SH3BGR: variants seen among roughly 807,000 people sequenced by gnomAD.
SH3BGR encodes SH3 domain binding glutamate rich protein, also known as SH3 domain-binding glutamic acid-rich protein.
In SH3BGR, 29 loss-of-function variants were observed where a neutral mutation model predicts 24.5. The ratio of observed to expected loss-of-function variants is 1.18; its 90% CI spans 0.88 to 1.61. SH3BGR has a LOEUF of 1.61. Among genes scored for constraint, SH3BGR ranks in the 40% most tolerant of loss-of-function variants. The pLI is 0.00. For synonymous variants in SH3BGR, 55 were observed against 65.7 expected, an observed-to-expected ratio of 0.84 and a Z score of 0.79; for missense variants, 162 against 205.8, an observed-to-expected ratio of 0.79 and a Z score of 1.30.
chr21:39,466,353 C>T (rs1396195235), intron 2 of SH3BGR, among the ~76,000 whole-genome samples: 2 of 152,128 alleles, frequency 1.3e-5, no homozygotes, highest in Non-Finnish European at 2.9e-5. Flanking sequence ...ATTATCTGTG[C>T]TTTTTCTATG....
intron 2 of SH3BGR, among the ~76,000 whole-genome samples, chr21:39,474,744 A>G (rs1179276330): frequency 2.0e-5 from 3 of 152,174 alleles, no homozygotes; most frequent in Non-Finnish European, 4.4e-5. Flanking sequence ...CACAGTATGG[A>G]CAGCCTGTAT....
chr21:39,453,896 G>A (rs1212303804), intron 1 of SH3BGR, among the ~76,000 whole-genome samples: 2 of 152,162 alleles, frequency 1.3e-5, no homozygotes, highest in African/African-American at 2.4e-5. Flanking sequence ...ATTAGTGAAT[G>A]TTATTTATAC....
At chr21:39,447,585 C>A (rs536852889), upstream of SH3BGR, among the ~76,000 whole-genome samples, 1 of 151,694 alleles carries the variant, frequency 6.6e-6, no homozygotes, top group African/African-American at 2.4e-5. Context: ...CCGGCTAATT[C>A]TTTTTGTATT....
chr21:39,506,984 C>T (rs970020657), intron 4 of SH3BGR, among the ~76,000 whole-genome samples: 1 of 152,020 alleles, frequency 6.6e-6, no homozygotes, highest in African/African-American at 2.4e-5. Context: ...AGAGGAGGGG[C>T]GAGACATGGG....
intron 3 of SH3BGR, among the ~76,000 whole-genome samples, chr21:39,485,888 CTG>C (rs2078204530): frequency 6.6e-6 from 1 of 151,942 alleles, no homozygotes; most frequent in African/African-American, 2.4e-5. Context: ...CGGGGTTTCA[CTG>C]TGTTAGCCAG....
upstream of SH3BGR, among the ~76,000 whole-genome samples, chr21:39,447,665 C>T (rs947421019): frequency 7.2e-5 from 11 of 152,082 alleles, no homozygotes; most frequent in East Asian, 3.9e-4. Flanking sequence ...GTGATCTGCC[C>T]GCCTCGGCCT....
chr21:39,500,588 C>T lies in SH3BGR; in HGVS notation c.405+673C>T, dbSNP rs751426923. On this transcript the variant is annotated intron_variant, in intron 4 of 6. Transcript: ENST00000333634. Reference sequence around the variant, plus strand: ...TCTGAAAATGTGCTGGGAAACCAGGCGCCAAGGAAGGAGCCTGGTGGGGCT... The same window carrying T: ...TCTGAAAATGTGCTGGGAAACCAGGTGCCAAGGAAGGAGCCTGGTGGGGCT... Among the ~76,000 whole-genome samples, 18 of 152,014 alleles carry T rather than the reference C, an allele frequency of 1.2e-4. No homozygotes were observed. In the East Asian group the frequency reaches 1.5e-3, roughly 13 times the overall value.
chr21:39,462,361 C>T lies in SH3BGR; in HGVS notation c.46-14C>T. The T allele has an allele frequency of 6.3e-7, 1 of 1,580,324 alleles. No homozygotes were observed. On this transcript the variant is annotated splice_polypyrimidine_tract_variant and intron_variant, in intron 1 of 6. Transcript: ENST00000333634. ...TTTTCATAAACAGCCTAATATTTCTCTACTCTTGACCAGATTAGGAAGAAA... is the reference window on the plus strand; with the variant it reads ...TTTTCATAAACAGCCTAATATTTCTTTACTCTTGACCAGATTAGGAAGAAA...
chr21:39,472,557 C>T (rs1189490371), intron 2 of SH3BGR, among the ~76,000 whole-genome samples: 1 of 152,164 alleles, frequency 6.6e-6, no homozygotes, highest in Admixed American at 6.6e-5. Flanking sequence ...CAAACCTAGA[C>T]ACATCTTAAA....
intron 2 of SH3BGR, among the ~76,000 whole-genome samples, chr21:39,472,756 T>C (rs1310720098): frequency 6.6e-6 from 1 of 152,192 alleles, no homozygotes; most frequent in African/African-American, 2.4e-5. Flanking sequence ...TTCTCATTCA[T>C]ATTTACTTTG....
At chr21:39,463,885 C>T (rs748124127) in intron 2 of SH3BGR, among the ~76,000 whole-genome samples, 1 of 152,144 alleles carries the variant, frequency 6.6e-6, no homozygotes, top group South Asian at 2.1e-4. Context: ...ACCACACACA[C>T]GGTGGCTAAA....
At chr21:39,448,210 A>G (rs1330747349), upstream of SH3BGR, among the ~76,000 whole-genome samples, 1 of 152,208 alleles carries the variant, frequency 6.6e-6, no homozygotes, top group Admixed American at 6.5e-5. Flanking sequence ...TTACATCTGT[A>G]AAGACTCTAT....
intron 3 of SH3BGR, among the ~76,000 whole-genome samples, chr21:39,490,621 A>C (rs977962416): frequency 1.3e-5 from 2 of 152,062 alleles, no homozygotes; most frequent in East Asian, 3.9e-4. Context: ...AAGCTACTCT[A>C]GATTTCTTAT....
intron 4 of SH3BGR, among the ~76,000 whole-genome samples, chr21:39,500,622 G>C (rs967132596): frequency 2.0e-4 from 31 of 152,142 alleles, no homozygotes; most frequent in African/African-American, 7.2e-4. Flanking sequence ...CTGGGAATGG[G>C]GTGCAGGCAT....
chr21:39,475,308 T>C, intron 3 of SH3BGR, 93 bp downstream of exon 3: 1 of 767,544 alleles, frequency 1.3e-6, no homozygotes, highest in East Asian at 2.5e-5. Flanking sequence ...TACATGATGA[T>C]CTCTAAATTA....
At chr21:39,484,079 A>C (rs2078171729) in intron 3 of SH3BGR, among the ~76,000 whole-genome samples, 1 of 152,242 alleles carries the variant, frequency 6.6e-6, no homozygotes, top group Non-Finnish European at 1.5e-5. Context: ...TGAGGCAAGA[A>C]AAGTTAGTAG....
At position 39,499,844 on chromosome 21, in the gene SH3BGR, G is replaced by T; in HGVS notation, c.334G>T (p.Gly112Cys). Residue 112 changes from glycine to cysteine, a missense_variant, in exon 4 of 7, where the codon GGT (glycine) becomes TGT (cysteine). Physicochemically the swap from Gly to Cys is radical, Grantham distance 159 (BLOSUM62 -3). Coordinates refer to ENST00000333634, the MANE Select transcript of SH3BGR (RefSeq NM_007341.3). The part of the protein sequence containing the change: ...DSKGSEKAEE[G>C]GETEAQKEGS... ...CCAGGGATCAGAGAAGGCTGAAGAA[G>T]GTGGAGAAACTGAGGCACAAAAAGA... The T allele has an allele frequency of 6.2e-7, 1 of 1,613,740 alleles. No homozygotes were observed. Among genetic ancestry groups the T allele is most frequent in the Non-Finnish European group, 8.5e-7 (1 of 1,179,816 alleles).
chr21:39,492,442 T>TGG (rs1434904036), intron 3 of SH3BGR, among the ~76,000 whole-genome samples: 5 of 134,306 alleles, frequency 3.7e-5, no homozygotes, highest in African/African-American at 9.2e-5. Flanking sequence ...TAGTTTCCCT[T>TGG]GGTGTGTGTG....
chr21:39,500,606 G>A (rs2078478332), intron 4 of SH3BGR, among the ~76,000 whole-genome samples: 1 of 152,152 alleles, frequency 6.6e-6, no homozygotes, highest in African/African-American at 2.4e-5. Context: ...AAGGAGCCTG[G>A]TGGGGCTGGG....
Sources: allele counts gnomAD v4.1 joint callset (sites outside exome capture counted in the v4.1 genomes callset), GRCh38; gene constraint gnomAD v4.1.1; transcripts MANE v1.5; gene names NCBI Gene and HGNC (gene_info 2026-07-23, HGNC 2026-07-21).